CREB1: variants seen among roughly 807,000 people sequenced by gnomAD.
CREB1 encodes the protein cAMP responsive element binding protein 1.
In CREB1, 2 loss-of-function variants were observed where a neutral mutation model predicts 42.0. That is an observed-to-expected ratio of 0.05 (90% CI 0.02 to 0.15). The LOEUF is 0.15. Ranked by LOEUF, CREB1 falls within the 10% of genes least tolerant of loss-of-function variation. CREB1 has a pLI of 1.00. For missense variants in CREB1, 199 were observed against 388.9 expected (o/e 0.51, Z 4.11); for synonymous variants, 123 against 139.9 (o/e 0.88, Z 0.85).
intron 2 of CREB1, among the ~76,000 whole-genome samples, chr2:207,558,190 C>A (rs2081808120): frequency 1.3e-5 from 2 of 152,064 alleles, no homozygotes; most frequent in African/African-American, 4.8e-5. Flanking sequence ...CTGGTTTTAC[C>A]CTATATGCCA....
At chr2:207,581,701 CAT>C in intron 7 of CREB1, 2 of 580,290 alleles carry the variant, frequency 3.4e-6, no homozygotes. Flanking sequence ...TAGTATATTA[CAT>C]AACCAGGGTA....
At chr2:207,544,533 G>A (rs114645626) in intron 1 of CREB1, among the ~76,000 whole-genome samples, 2,084 of 152,258 alleles carry the variant, frequency 0.014, 46 homozygotes, top group African/African-American at 0.048. Flanking sequence ...GTTTCTGTAA[G>A]CTCTTGAGAG....
intron 7 of CREB1, 197 bp downstream of exon 7, chr2:207,577,852 C>T (rs2082656108): frequency 3.4e-6 from 2 of 587,638 alleles, no homozygotes. Context: ...ATGGGTCAAT[C>T]TTTGATCGTG....
At chr2:207,567,270 C>T (rs1351072481) in intron 3 of CREB1, among the ~76,000 whole-genome samples, 193 bp from the exon 4 acceptor site, 1 of 151,956 alleles carries the variant, frequency 6.6e-6, no homozygotes, top group African/African-American at 2.4e-5. Flanking sequence ...ATTTTAGGTT[C>T]TCTAACTTCA....
chr2:207,539,338 CA>C (rs1229032822), intron 1 of CREB1, among the ~76,000 whole-genome samples: 1 of 151,890 alleles, frequency 6.6e-6, no homozygotes, highest in Admixed American at 6.6e-5. Context: ...CCACCGCCCC[CA>C]GCCCTATTTG....
chr2:207,530,802 G>C (rs960522346), intron 1 of CREB1, among the ~76,000 whole-genome samples: 5 of 151,858 alleles, frequency 3.3e-5, no homozygotes, highest in African/African-American at 1.2e-4. Context: ...CACTCTTTGT[G>C]CAATAAAGTT....
rs1269261560 is a variant in CREB1 at position 207,601,358 on chromosome 2, C to G, written c.*4300C>G. On this transcript the variant is annotated 3_prime_UTR_variant, in exon 8 of 8. Coordinates refer to ENST00000353267, the MANE Select transcript of CREB1 (RefSeq NM_004379.5). ...TTTCTCCTCTCTTCAAATCATGTGA[C>G]TTTTTAAATGGAAGTTTTTCATTGA... 5.4e-6 allele frequency: 1 copy of G among 185,516 alleles called. No individual in the cohort carries two copies. The highest frequency in any genetic ancestry group is 2.3e-5 in the African/African-American group (1 of 42,668). The allele number at this position is 185,516 out of a possible 1,614,324, so 11.5% of individuals were successfully genotyped here. A position where few individuals can be genotyped will look rare whatever the true frequency, so the allele number is the denominator to read the frequency against.
At chr2:207,533,564 C>T (rs531796572) in intron 1 of CREB1, among the ~76,000 whole-genome samples, 1 of 152,238 alleles carries the variant, frequency 6.6e-6, no homozygotes, top group South Asian at 2.1e-4. Flanking sequence ...ATATGAGTTA[C>T]ATAAACTTGT....
At chr2:207,585,007 A>C (rs929650475) in intron 7 of CREB1, among the ~76,000 whole-genome samples, 1 of 151,250 alleles carries the variant, frequency 6.6e-6, no homozygotes, top group Admixed American at 6.7e-5. Context: ...CAGCCCACTT[A>C]CACACGTCTA....
chr2:207,563,025 G>T (rs1202985905), intron 3 of CREB1, among the ~76,000 whole-genome samples: 1 of 152,154 alleles, frequency 6.6e-6, no homozygotes, highest in African/African-American at 2.4e-5. Flanking sequence ...CAGGTTAGGA[G>T]AATTAACGAG....
chr2:207,592,353 C>A lies in CREB1; in HGVS notation c.840-4561C>A, dbSNP rs1212293915. Reference sequence around the variant, plus strand: ...ACCCGGGAGGCAGAGGTTGCAGTAGCCCAGATCACGCCACTGCACTCCAGC... The same window carrying A: ...ACCCGGGAGGCAGAGGTTGCAGTAGACCAGATCACGCCACTGCACTCCAGC... On this transcript the variant is annotated intron_variant, in intron 7 of 7. Transcript: ENST00000353267. Among the ~76,000 whole-genome samples, 4 of 152,032 alleles carry A rather than the reference C, an allele frequency of 2.6e-5. No individual in the cohort carries two copies. The East Asian group carries it at 7.7e-4, about 29-fold the overall frequency.
rs900880192 is a variant in CREB1 at position 207,604,010 on chromosome 2, T to C, written c.*6952T>C. On this transcript the variant is annotated 3_prime_UTR_variant, in exon 8 of 8. Coordinates refer to ENST00000353267, the MANE Select transcript of CREB1 (RefSeq NM_004379.5). ...ATTGGAAGGCTTAATGAATTTCATT[T>C]ATTTTCTGCAACAACGATTACAGAA... Among the ~76,000 whole-genome samples, 1 of 152,222 alleles carries C rather than the reference T, an allele frequency of 6.6e-6. No individual in the cohort carries two copies. Among genetic ancestry groups the C allele is most frequent in the Non-Finnish European group, 1.5e-5 (1 of 68,038 alleles).
chr2:207,531,578 T>A (rs1317148271), intron 1 of CREB1, among the ~76,000 whole-genome samples: 1 of 152,240 alleles, frequency 6.6e-6, no homozygotes, highest in Non-Finnish European at 1.5e-5. Context: ...GGCGTCTAAC[T>A]TCTGAAGGTT....
chr2:207,561,806 G>A (rs868339491), intron 3 of CREB1, among the ~76,000 whole-genome samples: 4 of 152,112 alleles, frequency 2.6e-5, no homozygotes, highest in Non-Finnish European at 5.9e-5. Context: ...TGTCCTGGAA[G>A]CATTCTATTA....
At chr2:207,571,954 C>T (rs1393507232) in intron 5 of CREB1, among the ~76,000 whole-genome samples, 2 of 152,110 alleles carry the variant, frequency 1.3e-5, no homozygotes, top group African/African-American at 2.4e-5. Context: ...TTGAGCCAGG[C>T]GCCGTGGCTC....
intron 1 of CREB1, among the ~76,000 whole-genome samples, chr2:207,545,315 C>T (rs1325135077): frequency 6.6e-6 from 1 of 152,160 alleles, no homozygotes; most frequent in Non-Finnish European, 1.5e-5. Flanking sequence ...TCAAGTGATT[C>T]TCCTGCCTCA....
intron 1 of CREB1, among the ~76,000 whole-genome samples, chr2:207,547,254 G>A (rs1278283977): frequency 1.3e-5 from 2 of 152,114 alleles, no homozygotes. Flanking sequence ...AAAAACACTT[G>A]GACATTCATC....
At position 207,575,161 on chromosome 2, in the gene CREB1, T is replaced by C. The variant is rs1004841678; in HGVS notation, c.506-111T>C. ...TATTAGACCCTTCTTGGTGATGTTA[T>C]TTGCTGTAACTTCTCCTAGATTATT... On this transcript the variant is annotated intron_variant, in intron 5 of 7. Transcript: ENST00000353267. 5.2e-5 allele frequency: 59 copies of C among 1,127,712 alleles called. No homozygotes were observed. In the African/African-American group the frequency reaches 8.8e-4, roughly 17 times the overall value. The allele number at this position is 1,127,712 out of a possible 1,614,324, so 69.9% of individuals were successfully genotyped here. A position where few individuals can be genotyped will look rare whatever the true frequency, so the allele number is the denominator to read the frequency against.
At chr2:207,585,303 C>A (rs2083623261) in intron 7 of CREB1, among the ~76,000 whole-genome samples, 1 of 152,176 alleles carries the variant, frequency 6.6e-6, no homozygotes, top group African/African-American at 2.4e-5. Context: ...ATCATAGATG[C>A]CATGAGAGAA....
Sources: gnomAD v4.1 joint callset for allele counts (sites outside exome capture counted in the v4.1 genomes callset) on GRCh38, gnomAD v4.1.1 for gene constraint, MANE v1.5 for transcripts, NCBI Gene and HGNC (gene_info 2026-07-23, HGNC 2026-07-21) for gene names.